DEPDC5: variants seen among roughly 807,000 people sequenced by gnomAD.
The protein encoded by DEPDC5 is DEP domain containing 5, GATOR1 subcomplex subunit.
DEPDC5 carries 73 observed loss-of-function variants against 217.3 expected under a neutral mutation model. That is an observed-to-expected ratio of 0.34 (90% CI 0.28 to 0.41). The LOEUF (loss-of-function observed/expected upper bound fraction) is 0.41, where lower values mean the gene tolerates loss of function less well. Among genes scored for constraint, DEPDC5 ranks in the 10% least tolerant of loss-of-function variants. The pLI is 1.00. For synonymous variants in DEPDC5, 733 were observed against 756.7 expected (o/e 0.97, Z 0.51); for missense variants, 1,675 against 2,070.1 (o/e 0.81, Z 3.70).
intron 12 of DEPDC5, among the ~76,000 whole-genome samples, chr22:31,796,391 C>T (rs532476871): frequency 6.6e-6 from 1 of 152,330 alleles, no homozygotes; most frequent in South Asian, 2.1e-4. Context: ...GCGTTAGCCA[C>T]TGCCTGGCCC....
intron 11 of DEPDC5, 59 bp downstream of exon 11, chr22:31,792,161 C>A: frequency 1.6e-6 from 2 of 1,231,448 alleles, no homozygotes; most frequent in Non-Finnish European, 2.4e-6. Context: ...CAACCCCACC[C>A]CAGCCATTTC....
intron 24 of DEPDC5, among the ~76,000 whole-genome samples, chr22:31,828,959 CTGCTAAATGAGGATG>C (rs1383906386): frequency 6.6e-6 from 1 of 152,318 alleles, no homozygotes; most frequent in East Asian, 1.9e-4. Context: ...CATGTGATCT[CTGCTAAATGAGGATG>C]TGCTAGATGA....
At chr22:31,811,217 G>A (rs55699591) in intron 20 of DEPDC5, among the ~76,000 whole-genome samples, 16,840 of 152,124 alleles carry the variant, frequency 0.11, 991 homozygotes, top group Admixed American at 0.15. Flanking sequence ...TTAAAGGCAC[G>A]TGCCACCACG....
intron 35 of DEPDC5, 97 bp downstream of exon 35, chr22:31,873,429 G>A: frequency 2.2e-6 from 3 of 1,339,392 alleles, no homozygotes; most frequent in Non-Finnish European, 3.1e-6. Flanking sequence ...GTACATGACT[G>A]TACTTCTCAC....
chr22:31,790,921 A>G (rs1029726113), intron 10 of DEPDC5, among the ~76,000 whole-genome samples: 2 of 151,292 alleles, frequency 1.3e-5, no homozygotes, highest in Admixed American at 6.6e-5. Flanking sequence ...TAATTTTCCT[A>G]CTTTTAGTAG....
At chr22:31,834,992 G>A (rs1016591809) in intron 25 of DEPDC5, among the ~76,000 whole-genome samples, 1 of 152,160 alleles carries the variant, frequency 6.6e-6, no homozygotes, top group African/African-American at 2.4e-5. Context: ...ATATAATGCA[G>A]CTATGATAAT....
In DEPDC5 at chr22:31,834,022, G is replaced by A. The variant is rs1017389471; in HGVS notation, c.2170+42G>A. ...GACTGGGGAAAGGGGTAGACAGGGA[G>A]TGTGGGGTGGTCAGAGCATGAGGAA... On this transcript the variant is annotated intron_variant, in intron 25 of 42. Transcript: ENST00000651528. The A allele has an allele frequency of 6.3e-6, 10 of 1,592,808 alleles. No homozygotes were observed. In the South Asian group the frequency reaches 7.7e-5, roughly 12 times the overall value.
intron 38 of DEPDC5, among the ~76,000 whole-genome samples, chr22:31,892,903 G>A (rs2093470292): frequency 7.2e-6 from 1 of 139,050 alleles, no homozygotes; most frequent in Admixed American, 7.5e-5. Flanking sequence ...TTGAGACGGA[G>A]TCTCGCTGTA....
intron 24 of DEPDC5, among the ~76,000 whole-genome samples, chr22:31,825,605 C>T (rs2090081042): frequency 6.6e-6 from 1 of 152,140 alleles, no homozygotes; most frequent in African/African-American, 2.4e-5. Flanking sequence ...CTGATTGGCT[C>T]CTCACCTCCG....
chr22:31,870,624 A>G lies in DEPDC5; in HGVS notation c.3365A>G (p.Asp1122Gly). 1 of 1,582,230 alleles carries G rather than the reference A, an allele frequency of 6.3e-7. No homozygotes were observed. The highest frequency in any genetic ancestry group is 1.4e-5 in the African/African-American group (1 of 73,450). ...SVDQTATPMLDGTSLGICTGQ... is the reference protein window; with the variant it reads ...SVDQTATPMLGGTSLGICTGQ... ...GACCAAACAGCCACTCCTATGTTGG[A>G]CGGCACCAGTTTGGGCATATGCACA... The change falls in exon 34 of 43, where the codon GAC becomes GGC. Residue 1122 changes from aspartate (D) to glycine (G), a missense_variant. Coordinates refer to ENST00000651528, the MANE Select transcript of DEPDC5 (RefSeq NM_001242896.3).
In DEPDC5 at chr22:31,906,261, C is replaced by T. The variant is rs773000951; in HGVS notation, c.4576C>T (p.Arg1526Trp). The change falls in exon 43 of 43, where the codon CGG (arginine) becomes TGG (tryptophan). Residue 1526 changes from arginine (R) to tryptophan (W), a missense_variant. Transcript: ENST00000651528. This position sits in a 1 kb window ranked among gnomAD's most constrained non-coding sequence, Gnocchi z 5.1. ...GCGCAAGTTCTCAGGGCAGCAGCGG[C>T]GGCGGCGGAACTCCACCAGCTCCAC... Reference protein sequence around the residue: ...SKRKFSGQQRRRRNSTSSTNQ... With the variant: ...SKRKFSGQQRWRRNSTSSTNQ... 3.1e-6 allele frequency: 5 copies of T among 1,613,792 alleles called. No homozygotes were observed. The highest frequency in any genetic ancestry group is 1.1e-5 in the South Asian group (1 of 91,090).
At chr22:31,809,287 AC>A (rs1422141008) in intron 18 of DEPDC5, among the ~76,000 whole-genome samples, 1 of 152,176 alleles carries the variant, frequency 6.6e-6, no homozygotes, top group Non-Finnish European at 1.5e-5. Context: ...CAGTGGATTG[AC>A]CAAGAATCTA....
intron 19 of DEPDC5, 86 bp from the exon 20 acceptor site, chr22:31,810,435 A>C: frequency 2.5e-6 from 4 of 1,584,144 alleles, no homozygotes; most frequent in Non-Finnish European, 2.6e-6. Context: ...TATTTGGATG[A>C]CAATTTATAT....
In DEPDC5 at chr22:31,815,036, C is replaced by G; in HGVS notation, c.1490C>G (p.Ser497Cys). 6.2e-7 allele frequency: 1 copy of G among 1,614,142 alleles called. No individual in the cohort carries two copies. Among genetic ancestry groups the G allele is most frequent in the African/African-American group, 1.3e-5 (1 of 75,030 alleles). ...RESHSRKSAS[S>C]CDVSSSPSLP... is the part of the protein sequence containing the mutation. ...AGTCACAGTCGAAAGAGTGCCAGCT[C>G]CTGTGATGTTTCATCCAGCCCTTCC... Residue 497 changes from serine to cysteine, a missense_variant, in exon 21 of 43, where the codon TCC becomes TGC. Ser to Cys is a moderately radical substitution (Grantham distance 112). This residue lies in a region of DEPDC5 where 628 missense variants were observed against 762.1 expected (regional missense o/e 0.82). Coordinates refer to ENST00000651528, the MANE Select transcript of DEPDC5 (RefSeq NM_001242896.3).
intron 7 of DEPDC5, among the ~76,000 whole-genome samples, chr22:31,777,408 A>G (rs2083985395): frequency 6.7e-6 from 1 of 148,674 alleles, no homozygotes; most frequent in South Asian, 2.1e-4. Flanking sequence ...TTACAGGCGC[A>G]TGCCACCACG....
chr22:31,860,998 G>A (rs1392033716), intron 32 of DEPDC5, among the ~76,000 whole-genome samples: 1 of 152,116 alleles, frequency 6.6e-6, no homozygotes, highest in Admixed American at 6.5e-5. Flanking sequence ...TCAGAGCTAT[G>A]TGGGAGGGTG....
chr22:31,856,983 C>T (rs2092328888), intron 31 of DEPDC5, among the ~76,000 whole-genome samples: 1 of 152,110 alleles, frequency 6.6e-6, no homozygotes, highest in African/African-American at 2.4e-5. Flanking sequence ...GTTGACCAGG[C>T]TGGTCTCAAA....
At chr22:31,805,729 A>T (rs555488433) in intron 17 of DEPDC5, among the ~76,000 whole-genome samples, 1 of 152,150 alleles carries the variant, frequency 6.6e-6, no homozygotes, top group African/African-American at 2.4e-5. Flanking sequence ...TTGAATAGCA[A>T]GTTCATGGCA....
chr22:31,827,748 G>C (rs957647330), intron 24 of DEPDC5, among the ~76,000 whole-genome samples: 2 of 152,088 alleles, frequency 1.3e-5, no homozygotes, highest in South Asian at 2.1e-4. Context: ...GATAGATCAG[G>C]CTCACTCTGA....
Sources: allele counts gnomAD v4.1 joint callset (sites outside exome capture counted in the v4.1 genomes callset), GRCh38; gene constraint gnomAD v4.1.1; regional missense constraint gnomAD v4.1.1; non-coding constraint Gnocchi (gnomAD v3.1); transcripts MANE v1.5; gene names NCBI Gene and HGNC (gene_info 2026-07-23, HGNC 2026-07-21).